MYPN: variants seen among roughly 807,000 people sequenced by gnomAD.
MYPN encodes sarcomeric protein myopalladin, 145 kDa (MYOP).
In MYPN, 63 loss-of-function variants were observed where a neutral mutation model predicts 129.4. The observed-to-expected ratio is 0.49, with a 90% CI of 0.40 to 0.60. The LOEUF (loss-of-function observed/expected upper bound fraction) is 0.60, where lower values mean the gene tolerates loss of function less well. Ranked by LOEUF, MYPN falls within the 20% of genes least tolerant of loss-of-function variation. MYPN has a pLI of 0.00. For synonymous variants in MYPN, 629 were observed against 600.9 expected, an observed-to-expected ratio of 1.05 and a Z score of -0.68; for missense variants, 1,596 against 1,635.4, an observed-to-expected ratio of 0.98 and a Z score of 0.42.
chr10:68,150,163 C>T (rs1256801778), intron 6 of MYPN, 52 bp downstream of exon 6: 7 of 1,418,828 alleles, frequency 4.9e-6, no homozygotes, highest in Non-Finnish European at 7.0e-6. Context: ...ACCACAGCAC[C>T]CAAAGTTATA....
chr10:68,180,018 G>A (rs2043289540), intron 12 of MYPN, among the ~76,000 whole-genome samples: 1 of 152,136 alleles, frequency 6.6e-6, no homozygotes, highest in African/African-American at 2.4e-5. Flanking sequence ...CTCCTTGAAG[G>A]TAGAGTCTGT....
At chr10:68,207,837 C>G (rs949137687) in intron 19 of MYPN, among the ~76,000 whole-genome samples, 1 of 152,120 alleles carries the variant, frequency 6.6e-6, no homozygotes, top group Non-Finnish European at 1.5e-5. Flanking sequence ...TACAGGCTGT[C>G]CCACCACCTG....
At chr10:68,124,168 A>T (rs2042292352) in intron 2 of MYPN, among the ~76,000 whole-genome samples, 1 of 152,162 alleles carries the variant, frequency 6.6e-6, no homozygotes, top group Admixed American at 6.5e-5. Flanking sequence ...GCCCTTCCAC[A>T]TTTATGAGCT....
At position 68,153,667 on chromosome 10, in the gene MYPN, G is replaced by A. The variant is rs12250835; in HGVS notation, c.1317+3556G>A. ...GACTTATCAGCAATGATGTGCTTGC[G>A]TTAGTTTCCATCAGTGAGGGCAGGA... On this transcript the variant is annotated intron_variant, in intron 6 of 19. Coordinates refer to ENST00000358913, the MANE Select transcript of MYPN (RefSeq NM_032578.4). Among the ~76,000 whole-genome samples, 667 of 152,242 alleles carry A rather than the reference G, an allele frequency of 4.4e-3. 7 individuals are homozygous for A. Among genetic ancestry groups the A allele is most frequent in the African/African-American group, 0.015 (636 of 41,542 alleles).
chr10:68,141,070 A>C (rs1246869826), intron 2 of MYPN, among the ~76,000 whole-genome samples: 2 of 150,596 alleles, frequency 1.3e-5, no homozygotes, highest in African/African-American at 4.9e-5. Context: ...CCCTTCCTCC[A>C]CCACCCCCCC....
chr10:68,190,458 C>A (rs1437685318), intron 13 of MYPN, among the ~76,000 whole-genome samples: 1 of 5,538 alleles, frequency 1.8e-4, no homozygotes, highest in Admixed American at 4.1e-3. Context: ...TCCCAAAGTA[C>A]TGGATTACAG....
intron 1 of MYPN, among the ~76,000 whole-genome samples, chr10:68,090,803 G>A (rs551229174): frequency 2.0e-5 from 3 of 152,184 alleles, no homozygotes; most frequent in East Asian, 1.9e-4. Context: ...TTATAGGATC[G>A]CTTCTTAAGG....
intron 1 of MYPN, among the ~76,000 whole-genome samples, chr10:68,091,388 C>A (rs4746729): frequency 0.12 from 17,336 of 143,020 alleles, 1,465 homozygotes; most frequent in East Asian, 0.41. Flanking sequence ...AACTAGACTA[C>A]AGCCCTTTTT....
Position 68,174,326 on chromosome 10 carries a change from TCACTTTGAGCAG to T in MYPN, c.2239_2250del (p.Leu747_Thr750del), listed in dbSNP as rs760041906. On this transcript the variant is annotated inframe_deletion, in exon 11 of 20. Coordinates refer to ENST00000358913, the MANE Select transcript of MYPN (RefSeq NM_032578.4). ...GTGGCCCCTTCCAGCTCTCCGGTGT[TCACTTTGAGCAG>T]CACTCCTCAAACTATTCAGAGGACA... The T allele has an allele frequency of 3.7e-6, 6 of 1,613,974 alleles. No individual in the cohort carries two copies. The highest frequency in any genetic ancestry group is 4.2e-6 in the Non-Finnish European group (5 of 1,180,032).
chr10:68,131,034 A>AT, intron 2 of MYPN, among the ~76,000 whole-genome samples: 1 of 152,176 alleles, frequency 6.6e-6, no homozygotes, highest in Non-Finnish European at 1.5e-5. Flanking sequence ...CACTTTAAGG[A>AT]TTTTTGGCCT....
At chr10:68,176,950 C>T (rs552063205) in intron 12 of MYPN, among the ~76,000 whole-genome samples, 1 of 152,348 alleles carries the variant, frequency 6.6e-6, no homozygotes, top group East Asian at 1.9e-4. Context: ...TGTCACCACA[C>T]TTGTGGTTGT....
chr10:68,162,924 A>G (rs1231944413), intron 8 of MYPN, among the ~76,000 whole-genome samples: 1 of 152,198 alleles, frequency 6.6e-6, no homozygotes, highest in Non-Finnish European at 1.5e-5. Flanking sequence ...CCGGGTTCTC[A>G]TGCTGATCTC....
Position 68,211,903 on chromosome 10 carries a change from C to G in MYPN, c.*1448C>G. On this transcript the variant is annotated 3_prime_UTR_variant, in exon 20 of 20. Coordinates refer to ENST00000358913, the MANE Select transcript of MYPN (RefSeq NM_032578.4). ...CCTGGTGCTGTCTGTGCCAAGCACA[C>G]TCAGCTGGCATTGTATTTGTGTGAA... 2.3e-6 allele frequency: 1 copy of G among 437,760 alleles called. No homozygotes were observed. The highest frequency in any genetic ancestry group is 4.6e-6 in the Non-Finnish European group (1 of 217,344). 27.1% of individuals were successfully genotyped at this position (437,760 alleles called of 1,614,324 possible). A position where few individuals can be genotyped will look rare whatever the true frequency, so the allele number is the denominator to read the frequency against.
chr10:68,120,315 A>T (rs757720821), intron 1 of MYPN, among the ~76,000 whole-genome samples: 1 of 152,184 alleles, frequency 6.6e-6, no homozygotes, highest in African/African-American at 2.4e-5. Context: ...TTGCATTATT[A>T]TATTACTTTC....
rs1159258796 is a variant in MYPN, at chr10:68,148,207, CT to C, written c.1131-144del. 1.1e-5 allele frequency: 8 copies of C among 701,168 alleles called. No individual in the cohort carries two copies. The African/African-American group carries it at 1.3e-4, about 11-fold the overall frequency. The allele number at this position is 701,168 out of a possible 1,614,324, so 43.4% of individuals were successfully genotyped here. ...TAACAAAATGTGTAGCAAAAATGCC[CT>C]TGGTCAACGTTTGTAAAATATCATC... On this transcript the variant is annotated intron_variant, in intron 4 of 19. Transcript: ENST00000358913.
chr10:68,116,445 CAA>C (rs571301303), intron 1 of MYPN, among the ~76,000 whole-genome samples: 2 of 152,162 alleles, frequency 1.3e-5, no homozygotes, highest in Non-Finnish European at 2.9e-5. Context: ...CTCAAGAAAA[CAA>C]AGTTATTTAG....
chr10:68,114,606 C>T (rs1173209421), intron 1 of MYPN, among the ~76,000 whole-genome samples: 1 of 152,098 alleles, frequency 6.6e-6, no homozygotes, highest in East Asian at 1.9e-4. Flanking sequence ...GGCTCGGCCT[C>T]CCAAAGTGCA....
chr10:68,100,964 T>C (rs1328985914), intron 1 of MYPN, among the ~76,000 whole-genome samples: 1 of 152,212 alleles, frequency 6.6e-6, no homozygotes, highest in African/African-American at 2.4e-5. Context: ...GTCTAGGCCA[T>C]TTGATCTTTC....
In MYPN at chr10:68,201,967, C is replaced by T. The variant is rs2043722750; in HGVS notation, c.3632C>T (p.Thr1211Ile). Residue 1211 changes from threonine (T) to isoleucine (I), a missense_variant, in exon 18 of 20, where the codon ACC (threonine) becomes ATC (isoleucine). Coordinates refer to ENST00000358913, the MANE Select transcript of MYPN (RefSeq NM_032578.4). ...TTCTACTGGAAGAAAGACAATGAGA[C>T]CATCCCTTGCACCAGAGAGAGGATC... is the stretch of plus-strand genomic sequence containing the variant. The part of the protein sequence containing the change: ...PVFYWKKDNE[T>I]IPCTRERISM... The T allele has an allele frequency of 6.2e-7, 1 of 1,614,070 alleles. No homozygotes were observed. Among genetic ancestry groups the T allele is most frequent in the African/African-American group, 1.3e-5 (1 of 75,024 alleles).
Sources: gnomAD v4.1 joint callset for allele counts (sites outside exome capture counted in the v4.1 genomes callset) on GRCh38, gnomAD v4.1.1 for gene constraint, MANE v1.5 for transcripts, NCBI Gene and HGNC (gene_info 2026-07-23, HGNC 2026-07-21) for gene names.